The following RFX8 variants were observed in gnomAD, a reference collection of about 807,000 sequenced individuals.
RFX8 encodes the protein regulatory factor X8, also known as DNA-binding protein RFX8.
In RFX8, 46 loss-of-function variants were observed where a neutral mutation model predicts 54.6. The ratio of observed to expected loss-of-function variants is 0.84; its 90% confidence interval spans 0.67 to 1.08. The LOEUF is 1.08. Ranked by LOEUF, RFX8 falls within the 50% of genes least tolerant of loss-of-function variation. The pLI is 0.00. For synonymous variants in RFX8, 192 were observed against 209.5 expected (o/e 0.92, Z 0.72); for missense variants, 536 against 562.3 (o/e 0.95, Z 0.47).
chr2:101,468,943 A>G (rs977171070), intron 1 of RFX8, among the ~76,000 whole-genome samples: 17 of 145,440 alleles, frequency 1.2e-4, no homozygotes, highest in African/African-American at 4.3e-4. Context: ...GGAGTGGCAG[A>G]TTCATATATA....
intron 2 of RFX8, among the ~76,000 whole-genome samples, chr2:101,443,832 G>A (rs921032192): frequency 2.0e-5 from 3 of 152,126 alleles, no homozygotes; most frequent in Non-Finnish European, 4.4e-5. Context: ...CTAGTAGGGG[G>A]CTGCAACCCT....
intron 2 of RFX8, among the ~76,000 whole-genome samples, chr2:101,423,590 G>A (rs566029604): frequency 3.9e-4 from 60 of 152,164 alleles, no homozygotes; most frequent in African/African-American, 1.3e-3. Context: ...CTCATGACCC[G>A]CTCTCTGACC....
intron 2 of RFX8, among the ~76,000 whole-genome samples, chr2:101,438,419 C>T (rs1367608539): frequency 6.6e-6 from 1 of 152,122 alleles, no homozygotes; most frequent in East Asian, 1.9e-4. Context: ...ATAGTTTATA[C>T]CTCTTTATTG....
At chr2:101,446,278 C>T (rs1304483701) in intron 2 of RFX8, among the ~76,000 whole-genome samples, 7 of 152,136 alleles carry the variant, frequency 4.6e-5, no homozygotes, top group East Asian at 3.9e-4. Context: ...CAGGTTCAAG[C>T]GATTCTGCTG....
intron 11 of RFX8, among the ~76,000 whole-genome samples, chr2:101,398,671 C>G (rs745905294): frequency 6.6e-6 from 1 of 152,192 alleles, no homozygotes; most frequent in Non-Finnish European, 1.5e-5. Flanking sequence ...CTTCACCTGA[C>G]GAGCAAGTCT....
intron 9 of RFX8, among the ~76,000 whole-genome samples, chr2:101,406,338 A>C (rs1685736496): frequency 6.6e-6 from 1 of 150,810 alleles, no homozygotes; most frequent in African/African-American, 2.5e-5. Context: ...AAAAAAAGCA[A>C]ATTTTTTTTT....
rs1297657635 is a variant in RFX8, at chr2:101,454,708, T to A, written c.72+12069A>T. 2.0e-5 allele frequency among the ~76,000 whole-genome samples: 3 copies of A among 152,168 alleles called. No individual in the cohort carries two copies. In the East Asian group the frequency reaches 5.8e-4, roughly 29 times the overall value. Reference sequence around the variant, plus strand: ...CATAAATGTCTTCTTTTGAGAAGAGTCTGTTCATACCCTTTACCCACTTTT... The same window carrying A: ...CATAAATGTCTTCTTTTGAGAAGAGACTGTTCATACCCTTTACCCACTTTT... On this transcript the variant is annotated intron_variant, in intron 2 of 11. Transcript: ENST00000428343.
At chr2:101,424,459 C>T (rs1234485115) in intron 2 of RFX8, among the ~76,000 whole-genome samples, 1 of 152,104 alleles carries the variant, frequency 6.6e-6, no homozygotes, top group African/African-American at 2.4e-5. Context: ...GACAATGTGG[C>T]GATTCCTCAA....
intron 2 of RFX8, among the ~76,000 whole-genome samples, chr2:101,451,873 C>A (rs189643301): frequency 6.6e-6 from 1 of 152,180 alleles, no homozygotes; most frequent in African/African-American, 2.4e-5. Flanking sequence ...GTGGGAGGAT[C>A]ATTTGAGCCC....
At chr2:101,455,408 G>A (rs1189714657) in intron 2 of RFX8, among the ~76,000 whole-genome samples, 1 of 152,114 alleles carries the variant, frequency 6.6e-6, no homozygotes, top group South Asian at 2.1e-4. Flanking sequence ...TGTAAGGAAG[G>A]GATCCAGCTT....
At chr2:101,455,655 C>T (rs1688926931) in intron 2 of RFX8, among the ~76,000 whole-genome samples, 2 of 152,146 alleles carry the variant, frequency 1.3e-5, no homozygotes, top group South Asian at 4.1e-4. Flanking sequence ...AGTGTGATGC[C>T]TCCAGCTTTG....
At chr2:101,420,903 G>A (rs983875759) in intron 4 of RFX8, among the ~76,000 whole-genome samples, 1 of 152,214 alleles carries the variant, frequency 6.6e-6, no homozygotes, top group East Asian at 1.9e-4. Flanking sequence ...AAGCCTTATG[G>A]AGAATACTTT....
In RFX8 at chr2:101,397,591, C is replaced by T. The variant is rs1476808855; in HGVS notation, c.1379G>A (p.Ser460Asn). ...TTCTCTGAAATAAATATCTTCAGAG[C>T]TTTGGGGTACATCTGATATCTGAAT... ...FVIQISDVPQ[S>N]SEDIYFRENN... Residue 460 changes from serine (S) to asparagine (N), a missense_variant, in exon 12 of 12, where the codon AGC becomes AAC. Coordinates refer to ENST00000428343, the MANE Select transcript of RFX8 (RefSeq NM_001145664.2). The T allele has an allele frequency of 1.9e-6, 3 of 1,550,210 alleles. No individual in the cohort carries two copies. The South Asian group carries it at 3.6e-5, about 18-fold the overall frequency.
intron 2 of RFX8, among the ~76,000 whole-genome samples, chr2:101,448,336 T>C (rs1688504194): frequency 6.6e-6 from 1 of 152,190 alleles, no homozygotes; most frequent in South Asian, 2.1e-4. Flanking sequence ...CAGATTCATA[T>C]TCTTCTACTA....
chr2:101,412,603 C>A (rs1462052206), intron 8 of RFX8, among the ~76,000 whole-genome samples: 2 of 152,140 alleles, frequency 1.3e-5, no homozygotes, highest in African/African-American at 4.8e-5. Context: ...GCTTTTCCCC[C>A]ACAGGAGATA....
In RFX8 at chr2:101,413,367, G is replaced by A. The variant is rs191106620; in HGVS notation, c.562-296C>T. Among the ~76,000 whole-genome samples, 1,046 of 152,254 alleles carry A rather than the reference G, an allele frequency of 6.9e-3. 14 individuals carry two copies. The highest frequency in any genetic ancestry group is 0.023 in the African/African-American group (945 of 41,544). On this transcript the variant is annotated intron_variant, in intron 7 of 11. Coordinates refer to ENST00000428343, the MANE Select transcript of RFX8 (RefSeq NM_001145664.2). ...CGCCCCACGCCCAAATGACTCTAGCGAGGGATCCCGGGGATTGAGCCTCTG... is the reference window on the plus strand; with the variant it reads ...CGCCCCACGCCCAAATGACTCTAGCAAGGGATCCCGGGGATTGAGCCTCTG...
At chr2:101,407,092 T>G (rs1685784099) in intron 9 of RFX8, among the ~76,000 whole-genome samples, 1 of 152,232 alleles carries the variant, frequency 6.6e-6, no homozygotes, top group East Asian at 1.9e-4. Context: ...GCTCCAAGCC[T>G]CTTCTCATCC....
At chr2:101,465,424 C>A (rs771284830) in intron 2 of RFX8, among the ~76,000 whole-genome samples, 1 of 152,138 alleles carries the variant, frequency 6.6e-6, no homozygotes, top group African/African-American at 2.4e-5. Context: ...GCACGGGAAT[C>A]GCTTGAACTC....
chr2:101,440,722 T>C (rs1161788533), intron 2 of RFX8, among the ~76,000 whole-genome samples: 1 of 152,194 alleles, frequency 6.6e-6, no homozygotes, highest in Non-Finnish European at 1.5e-5. Flanking sequence ...TGAGTCCTTC[T>C]ACTGGATCTC....
Sources: allele counts gnomAD v4.1 joint callset (sites outside exome capture counted in the v4.1 genomes callset), GRCh38; gene constraint gnomAD v4.1.1; transcripts MANE v1.5; gene names NCBI Gene and HGNC (gene_info 2026-07-23, HGNC 2026-07-21).